Variants in MRE11 observed in about 807,000 individuals in gnomAD.
MRE11 encodes the protein MRE11 double strand break repair nuclease.
A neutral mutation model predicts 91.7 loss-of-function variants in MRE11; 62 were observed. The observed-to-expected ratio is 0.68, with a 90% CI of 0.55 to 0.84. The LOEUF (loss-of-function observed/expected upper bound fraction) is 0.84, where lower values mean the gene tolerates loss of function less well. MRE11 is among the 40% of genes least tolerant of loss of function. MRE11 has a pLI of 0.00. For missense variants in MRE11, 796 were observed against 852.9 expected (o/e 0.93, Z 0.83); for synonymous variants, 273 against 271.4 (o/e 1.01, Z -0.06).
chr11:94,449,763 C>A, intron 14 of MRE11, among the ~76,000 whole-genome samples: 1 of 152,180 alleles, frequency 6.6e-6, no homozygotes, highest in Non-Finnish European at 1.5e-5. Context: ...TGGCTACAAA[C>A]CTGTACAACA....
At chr11:94,437,900 G>T (rs1375648797) in intron 16 of MRE11, among the ~76,000 whole-genome samples, 9 of 152,042 alleles carry the variant, frequency 5.9e-5, no homozygotes, top group Non-Finnish European at 1.2e-4. Context: ...TGAGGCGGGC[G>T]GATCACTTAA....
Position 94,416,802 on chromosome 11 carries a change from GCCCCTGCCCT to G in MRE11, c.*3313_*3322del. 6.7e-6 allele frequency: 1 copy of G among 149,262 alleles called. No individual in the cohort carries two copies. The highest frequency in any genetic ancestry group is 2.0e-4 in the East Asian group (1 of 4,966). The allele number at this position is 149,262 out of a possible 1,614,324, so 9.2% of individuals were successfully genotyped here. ...GGAGCTTGCAGTGAGCCGAAATGGTGCCCCTGCCCTCCAGCCTGGGCAAGAGTGCGAGACT... is the reference window on the plus strand; with the variant it reads ...GGAGCTTGCAGTGAGCCGAAATGGTGCCAGCCTGGGCAAGAGTGCGAGACT... On this transcript the variant is annotated 3_prime_UTR_variant, in exon 20 of 20. Coordinates refer to ENST00000323929, the MANE Select transcript of MRE11 (RefSeq NM_005591.4).
chr11:94,433,828 G>C (rs1251033854), intron 18 of MRE11, among the ~76,000 whole-genome samples: 1 of 152,104 alleles, frequency 6.6e-6, no homozygotes, highest in Non-Finnish European at 1.5e-5. Flanking sequence ...ACTAATACAG[G>C]CTGCATGCAC....
At chr11:94,483,308 A>G (rs1173624169) in intron 4 of MRE11, among the ~76,000 whole-genome samples, 1 of 152,040 alleles carries the variant, frequency 6.6e-6, no homozygotes, top group Non-Finnish European at 1.5e-5. Flanking sequence ...TACCAAAAAT[A>G]ATTTCTTAAA....
Position 94,442,482 on chromosome 11 carries a change from C to G in MRE11, c.1867+3328G>C, listed in dbSNP as rs553601983. On this transcript the variant is annotated intron_variant, in intron 16 of 19. Coordinates refer to ENST00000323929, the MANE Select transcript of MRE11 (RefSeq NM_005591.4). ...TCCACAGGACACAAAAACACAAAAA[C>G]AAAAAAGAAAAATAAAACAAGACAG... Among the ~76,000 whole-genome samples, 13 of 150,612 alleles carry G rather than the reference C, an allele frequency of 8.6e-5. No individual in the cohort carries two copies. The South Asian group carries it at 2.7e-3, about 32-fold the overall frequency.
rs574287306 is a variant in MRE11, at chr11:94,462,008, G to A, written c.1226-972C>T. On this transcript the variant is annotated intron_variant, in intron 11 of 19. Coordinates refer to ENST00000323929, the MANE Select transcript of MRE11 (RefSeq NM_005591.4). ...GAGAATGGCGTGAACCTGGGAGGCG[G>A]AGCTTACAGTGAGCTGAGATCACGC... Among the ~76,000 whole-genome samples the A allele has an allele frequency of 1.7e-4, 26 of 152,290 alleles. No homozygotes were observed. In the East Asian group the frequency reaches 4.2e-3, roughly 25 times the overall value.
chr11:94,452,229 C>A (rs1319082672), intron 14 of MRE11, among the ~76,000 whole-genome samples: 3 of 148,954 alleles, frequency 2.0e-5, no homozygotes, highest in Non-Finnish European at 3.0e-5. Flanking sequence ...AAGACCAATA[C>A]CCTACTCGAA....
intron 8 of MRE11, 73 bp from the exon 9 acceptor site, chr11:94,470,715 A>AT: frequency 3.4e-6 from 5 of 1,468,118 alleles, no homozygotes; most frequent in Non-Finnish European, 4.7e-6. Context: ...GAAAGCTTTC[A>AT]TATTTCTTAG....
chr11:94,477,928 C>G (rs1476750382), intron 6 of MRE11, among the ~76,000 whole-genome samples: 1 of 152,128 alleles, frequency 6.6e-6, no homozygotes, highest in African/African-American at 2.4e-5. Flanking sequence ...CAGGGGACAG[C>G]TGGGCTTCAC....
intron 7 of MRE11, chr11:94,475,175 C>T (rs1041070668): frequency 2.6e-5 from 4 of 153,882 alleles, no homozygotes; most frequent in African/African-American, 9.7e-5. Context: ...TGGATTCAAC[C>T]AACTAAAGAT....
rs7112263 is a variant in MRE11, at chr11:94,461,291, G to A, written c.1226-255C>T. ...CTCACTGGGTGAAGCACAGACTTCT[G>A]GAGGTCCTCAAGACCCATTCAGGGA... is the stretch of plus-strand genomic sequence containing the variant. On this transcript the variant is annotated intron_variant, in intron 11 of 19. Transcript: ENST00000323929. 0.03 allele frequency among the ~76,000 whole-genome samples: 4,593 copies of A among 152,200 alleles called. 258 individuals are homozygous for A. The highest frequency in any genetic ancestry group is 0.11 in the African/African-American group (4,385 of 41,502).
intron 13 of MRE11, among the ~76,000 whole-genome samples, chr11:94,457,195 A>T (rs1357261924): frequency 6.6e-6 from 1 of 152,204 alleles, no homozygotes; most frequent in Non-Finnish European, 1.5e-5. Flanking sequence ...CCAATAAAAA[A>T]CATGTTTCAA....
rs896490351 is a variant in MRE11, at chr11:94,429,830, G to A, written c.2070+81C>T. 5 of 1,223,488 alleles carry A rather than the reference G, an allele frequency of 4.1e-6. No individual in the cohort carries two copies. In the African/African-American group the frequency reaches 7.6e-5, roughly 19 times the overall value. The allele number at this position is 1,223,488 out of a possible 1,614,324, so 75.8% of individuals were successfully genotyped here. On this transcript the variant is annotated intron_variant, in intron 19 of 19. Coordinates refer to ENST00000323929, the MANE Select transcript of MRE11 (RefSeq NM_005591.4). ...GAAGTTATTTATCAAAGAAAAAAAA[G>A]TTCAGCAACTAGCTGGCAGTCTCTA...
chr11:94,441,095 G>A (rs570378070), intron 16 of MRE11, among the ~76,000 whole-genome samples: 6 of 152,110 alleles, frequency 3.9e-5, no homozygotes, highest in Non-Finnish European at 8.8e-5. Flanking sequence ...CCACTTGCTC[G>A]CTTCCTCCCC....
intron 19 of MRE11, among the ~76,000 whole-genome samples, chr11:94,424,856 A>C (rs1410331177): frequency 6.6e-6 from 1 of 152,206 alleles, no homozygotes. Context: ...AGATTATGTA[A>C]AGAGGCAAAA....
chr11:94,492,470 A>G (rs1480527883), intron 2 of MRE11, among the ~76,000 whole-genome samples: 1 of 152,370 alleles, frequency 6.6e-6, no homozygotes, highest in Non-Finnish European at 1.5e-5. Flanking sequence ...ATTGACTAAT[A>G]AGAATTTGTC....
At chr11:94,500,550 G>A in the MRE11 span, among the ~76,000 whole-genome samples, 1 of 152,170 alleles carries the variant, frequency 6.6e-6, no homozygotes, top group South Asian at 2.1e-4. Flanking sequence ...ATCTTGGAAA[G>A]TCTATACAAA....
At chr11:94,437,758 C>T (rs1945662131) in intron 16 of MRE11, among the ~76,000 whole-genome samples, 1 of 152,014 alleles carries the variant, frequency 6.6e-6, no homozygotes, top group South Asian at 2.1e-4. Context: ...TACCTTTTTT[C>T]CTTTTAAACT....
At position 94,417,616 on chromosome 11, in the gene MRE11, G is replaced by A. The variant is rs1169118397; in HGVS notation, c.*2509C>T. On this transcript the variant is annotated 3_prime_UTR_variant, in exon 20 of 20. Coordinates refer to ENST00000323929, the MANE Select transcript of MRE11 (RefSeq NM_005591.4). ...AAGTAGGAGCTTTTAAATTACAGAA[G>A]TTAGGGCTTGTTACCCAGAAAGGAG... is the stretch of plus-strand genomic sequence containing the variant. 1 of 232,968 alleles carries A rather than the reference G, an allele frequency of 4.3e-6. No individual in the cohort carries two copies. The highest frequency in any genetic ancestry group is 2.2e-5 in the African/African-American group (1 of 45,346). The allele number at this position is 232,968 out of a possible 1,614,324, so 14.4% of individuals were successfully genotyped here. A position where few individuals can be genotyped will look rare whatever the true frequency, so the allele number is the denominator to read the frequency against.
Sources: allele counts gnomAD v4.1 joint callset (sites outside exome capture counted in the v4.1 genomes callset), GRCh38; gene constraint gnomAD v4.1.1; transcripts MANE v1.5; gene names NCBI Gene and HGNC (gene_info 2026-07-23, HGNC 2026-07-21).